The following DISP2 variants were observed in gnomAD, a reference collection of about 807,000 sequenced individuals.
The protein encoded by DISP2 is protein dispatched homolog 2.
In DISP2, 59 loss-of-function variants were observed where a neutral mutation model predicts 95.5. The observed-to-expected ratio is 0.62, with a 90% CI of 0.50 to 0.77. The LOEUF (loss-of-function observed/expected upper bound fraction) is 0.77. Ranked by LOEUF, DISP2 falls within the 30% of genes least tolerant of loss-of-function variation. The pLI is 0.00. For missense variants in DISP2, 1,752 were observed against 1,854.6 expected (o/e 0.94, Z 1.02); for synonymous variants, 827 against 815.0 (o/e 1.01, Z -0.25).
intron 7 of DISP2, 50 bp from the exon 8 acceptor site, chr15:40,367,008 T>G: frequency 6.3e-7 from 1 of 1,589,638 alleles, no homozygotes; most frequent in Non-Finnish European, 8.5e-7. Context: ...TGGGAAAACC[T>G]GAGCCCTTGG....
intron 1 of DISP2, among the ~76,000 whole-genome samples, chr15:40,360,022 G>A (rs1889382835): frequency 6.6e-6 from 1 of 152,238 alleles, no homozygotes; most frequent in Non-Finnish European, 1.5e-5. Flanking sequence ...GGGCTTGGGG[G>A]TATAGTTAAT....
chr15:40,364,800 C>T (rs377321174), intron 4 of DISP2, 38 bp from the exon 5 acceptor site: 147 of 1,593,962 alleles, frequency 9.2e-5, no homozygotes, highest in Non-Finnish European at 1.1e-4. Flanking sequence ...AGAACTCCTA[C>T]CCTGCCCACC....
At position 40,373,039 on chromosome 15, in the gene DISP2, A is replaced by T. The variant is rs1159302150; in HGVS notation, c.*2721A>T. ...CATTACCTTATACCTAGAATGGCCCAAACCAACAGCAGGCAATCCACATCA... is the reference window on the plus strand; with the variant it reads ...CATTACCTTATACCTAGAATGGCCCTAACCAACAGCAGGCAATCCACATCA... On this transcript the variant is annotated 3_prime_UTR_variant, in exon 8 of 8. Coordinates refer to ENST00000267889, the MANE Select transcript of DISP2 (RefSeq NM_033510.3). 6.6e-6 allele frequency: 1 copy of T among 152,230 alleles called. No homozygotes were observed. The highest frequency in any genetic ancestry group is 1.5e-5 in the Non-Finnish European group (1 of 68,054). 9.4% of individuals were successfully genotyped at this position (152,230 alleles called of 1,614,324 possible). A position where few individuals can be genotyped will look rare whatever the true frequency, so the allele number is the denominator to read the frequency against.
rs761221574 is a variant in DISP2 at position 40,367,839 on chromosome 15, G to A, written c.1727G>A (p.Gly576Glu). The A allele has an allele frequency of 6.2e-7, 1 of 1,601,306 alleles. No homozygotes were observed. The highest frequency in any genetic ancestry group is 1.7e-5 in the Admixed American group (1 of 59,996). The part of the protein sequence containing the change: ...WRLSKSQLPS[G>E]GLAQRVGRTM... ...CTTAGCAAGAGCCAGCTGCCGTCGG[G>A]GGGGCTGGCGCAGCGCGTGGGCCGC... is the stretch of plus-strand genomic sequence containing the variant. Residue 576 changes from glycine to glutamate, a missense_variant, in exon 8 of 8, where the codon GGG (glycine) becomes GAG (glutamate). Coordinates refer to ENST00000267889, the MANE Select transcript of DISP2 (RefSeq NM_033510.3).
intron 7 of DISP2, among the ~76,000 whole-genome samples, chr15:40,366,476 G>A (rs543747352): frequency 6.6e-5 from 10 of 152,334 alleles, no homozygotes; most frequent in Admixed American, 2.0e-4. Context: ...CCAAGGTTAC[G>A]CAGCCAGTTA....
Position 40,369,513 on chromosome 15 carries a change from C to G in DISP2, c.3401C>G (p.Ala1134Gly). The stretch of plus-strand genomic sequence containing the variant: ...CCCTGTGCCCACCTGCCATGGGATG[C>G]TGGTACTGGGGACCCTGGTGGGGAG... The part of the protein sequence containing the change: ...LWPCAHLPWD[A>G]GTGDPGGEKA... Residue 1134 changes from alanine (A) to glycine (G), a missense_variant, in exon 8 of 8, where the codon GCT becomes GGT. Coordinates refer to ENST00000267889, the MANE Select transcript of DISP2 (RefSeq NM_033510.3). 1 of 1,613,086 alleles carries G rather than the reference C, an allele frequency of 6.2e-7. No individual in the cohort carries two copies. Among genetic ancestry groups the G allele is most frequent in the Non-Finnish European group, 8.5e-7 (1 of 1,180,006 alleles).
rs200291831 is a variant in DISP2, at chr15:40,368,714, C to G, written c.2602C>G (p.Pro868Ala). 2.5e-6 allele frequency: 4 copies of G among 1,613,442 alleles called. No individual in the cohort carries two copies. Among genetic ancestry groups the G allele is most frequent in the South Asian group, 2.2e-5 (2 of 91,090 alleles). ...CCGHSDFPWAPQFFLHCLKMM... is the reference protein window; with the variant it reads ...CCGHSDFPWAAQFFLHCLKMM... ...CGGCCACTCGGACTTCCCCTGGGCCCCCCAGTTTTTCCTGCACTGCCTGAA... is the reference window on the plus strand; with the variant it reads ...CGGCCACTCGGACTTCCCCTGGGCCGCCCAGTTTTTCCTGCACTGCCTGAA... The change falls in exon 8 of 8, where the codon CCC becomes GCC. Residue 868 changes from proline to alanine, a missense_variant. Pro to Ala is a conservative substitution (Grantham distance 27). Transcript: ENST00000267889.
rs1889544059 is a variant in DISP2, at chr15:40,368,151, G to A, written c.2039G>A (p.Arg680Gln). 1 of 1,522,064 alleles carries A rather than the reference G, an allele frequency of 6.6e-7. No individual in the cohort carries two copies. Among genetic ancestry groups the A allele is most frequent in the Non-Finnish European group, 8.7e-7 (1 of 1,143,294 alleles). The allele number at this position is 1,522,064 out of a possible 1,614,324, so 94.3% of individuals were successfully genotyped here. Residue 680 changes from arginine (R) to glutamine (Q), a missense_variant, in exon 8 of 8, where the codon CGG (arginine) becomes CAG (glutamine). By Grantham distance (43) the Arg-to-Gln change is conservative. This residue lies in a region of DISP2 where 732 missense variants were observed against 714.6 expected (regional missense o/e 1.02). Coordinates refer to ENST00000267889, the MANE Select transcript of DISP2 (RefSeq NM_033510.3). ...CTGCACCGGCGGCTCCGCGGCCTGCGGAGGGCGGCGGCTGGCACCTCGCGT... is the reference window on the plus strand; with the variant it reads ...CTGCACCGGCGGCTCCGCGGCCTGCAGAGGGCGGCGGCTGGCACCTCGCGT... ...LALHRRLRGL[R>Q]RAAAGTSRLL...
intron 1 of DISP2, among the ~76,000 whole-genome samples, chr15:40,363,012 G>A (rs1247716772): frequency 6.6e-6 from 1 of 152,136 alleles, no homozygotes; most frequent in Non-Finnish European, 1.5e-5. Flanking sequence ...TATAAGGAGT[G>A]AGTAAGATCG....
chr15:40,363,812 C>G lies in DISP2; in HGVS notation c.307C>G (p.Gln103Glu), dbSNP rs1889446972. 6.2e-7 allele frequency: 1 copy of G among 1,612,284 alleles called. No homozygotes were observed. The highest frequency in any genetic ancestry group is 1.1e-5 in the South Asian group (1 of 90,888). The change falls in exon 2 of 8, where the codon CAG (glutamine) becomes GAG (glutamate). Residue 103 changes from glutamine to glutamate, a missense_variant. Gln to Glu is a conservative substitution (Grantham distance 29, BLOSUM62 2). Transcript: ENST00000267889. ...CTATCCCCGGGCACTGCAGGAATAC[C>G]AGGGGGGCAGTTCCCTGCCAGGACT... is the stretch of plus-strand genomic sequence containing the variant. ...FTYPRALQEY[Q>E]GGSSLPGLGD...
At chr15:40,362,022 G>A (rs1203906839) in intron 1 of DISP2, among the ~76,000 whole-genome samples, 2 of 152,194 alleles carry the variant, frequency 1.3e-5, no homozygotes, top group African/African-American at 4.8e-5. Context: ...CTGCCACTGG[G>A]GTTGAGACTC....
intron 1 of DISP2, among the ~76,000 whole-genome samples, chr15:40,358,898 C>A (rs1274950538): frequency 1.3e-5 from 2 of 152,258 alleles, no homozygotes; most frequent in Non-Finnish European, 2.9e-5. Flanking sequence ...ATTCGGCAGG[C>A]ACGTCAGGGA....
chr15:40,365,509 C>A, intron 6 of DISP2, 119 bp from the exon 7 acceptor site: 1 of 1,332,680 alleles, frequency 7.5e-7, no homozygotes, highest in South Asian at 1.3e-5. Flanking sequence ...AGTCCATGCA[C>A]AGGCTTGAGA....
In DISP2 at chr15:40,369,245, C is replaced by T; in HGVS notation, c.3133C>T (p.His1045Tyr). 1 of 1,613,940 alleles carries T rather than the reference C, an allele frequency of 6.2e-7. No homozygotes were observed. The change falls in exon 8 of 8, where the codon CAC becomes TAC. Residue 1045 changes from histidine to tyrosine, a missense_variant. His to Tyr is a moderately conservative substitution (Grantham distance 83). This residue lies in a region of DISP2 where 317 missense variants were observed against 394.9 expected (regional missense o/e 0.80). Transcript: ENST00000267889. ...NYCISYHLCP[H>Y]PDRLSRVAFS... ...CTGCATCTCCTATCACCTGTGCCCA[C>T]ACCCTGACCGCCTGAGCCGTGTGGC...
chr15:40,369,725 TC>T lies in DISP2; in HGVS notation c.3616del (p.Arg1206GlyfsTer95). The part of the protein sequence containing the change: ...DLQLHDGPCC[S>X]RPPPAPASPR... ...GCAGCTCCATGATGGTCCGTGCTGT[TC>T]CCGGCCCCCACCAGCCCCTGCCTCC... On this transcript the variant is annotated frameshift_variant, in exon 8 of 8. Transcript: ENST00000267889. LOFTEE classifies it high-confidence loss of function. 6.2e-7 allele frequency: 1 copy of T among 1,610,466 alleles called. No individual in the cohort carries two copies.
At chr15:40,364,762 G>A in intron 4 of DISP2, 76 bp from the exon 5 acceptor site, 2 of 1,472,794 alleles carry the variant, frequency 1.4e-6, no homozygotes, top group Non-Finnish European at 1.9e-6. Flanking sequence ...AGGAGTCAAA[G>A]GGGCAGAGCT....
At chr15:40,365,844 C>T (rs1237480756) in intron 7 of DISP2, 119 bp downstream of exon 7, 3 of 1,002,400 alleles carry the variant, frequency 3.0e-6, no homozygotes, top group Non-Finnish European at 3.0e-6. Context: ...AGAGCATTCC[C>T]TGCTTAGAAA....
chr15:40,363,852 C>G lies in DISP2; in HGVS notation c.347C>G (p.Ala116Gly), dbSNP rs1245677191. The G allele has an allele frequency of 6.2e-7, 1 of 1,609,220 alleles. No homozygotes were observed. The highest frequency in any genetic ancestry group is 2.2e-5 in the East Asian group (1 of 44,808). ...SSLPGLGDRA[A>G]LCSHGSSLSP... is the part of the protein sequence containing the mutation. Reference sequence around the variant, plus strand: ...CTGCCAGGACTTGGGGATCGGGCAGCTCTCTGCTCCCACGGCTCCAGCCTC... The same window carrying G: ...CTGCCAGGACTTGGGGATCGGGCAGGTCTCTGCTCCCACGGCTCCAGCCTC... The change falls in exon 2 of 8, where the codon GCT becomes GGT. Residue 116 changes from alanine (A) to glycine (G), a missense_variant. By Grantham distance (60) the Ala-to-Gly change is moderately conservative. Coordinates refer to ENST00000267889, the MANE Select transcript of DISP2 (RefSeq NM_033510.3).
In DISP2 at chr15:40,368,995, C is replaced by A; in HGVS notation, c.2883C>A (p.Ser961Arg). 1.9e-6 allele frequency: 3 copies of A among 1,614,014 alleles called. No homozygotes were observed. Among genetic ancestry groups the A allele is most frequent in the Non-Finnish European group, 2.5e-6 (3 of 1,180,044 alleles). The change falls in exon 8 of 8, where the codon AGC (serine) becomes AGA (arginine). Residue 961 changes from serine (S) to arginine (R), a missense_variant. By Grantham distance (110) the Ser-to-Arg change is moderately radical. Transcript: ENST00000267889. Reference sequence around the variant, plus strand: ...TGTATAGCCTGCAGCACAGCCTGAGCACTGAGCCTGCTGTGGTGCTGGGCC... The same window carrying A: ...TGTATAGCCTGCAGCACAGCCTGAGAACTGAGCCTGCTGTGGTGCTGGGCC... The part of the protein sequence containing the change: ...LELYSLQHSL[S>R]TEPAVVLGLA...
Sources: allele counts gnomAD v4.1 joint callset (sites outside exome capture counted in the v4.1 genomes callset), GRCh38; gene constraint gnomAD v4.1.1; regional missense constraint gnomAD v4.1.1; transcripts MANE v1.5; gene names NCBI Gene and HGNC (gene_info 2026-07-23, HGNC 2026-07-21).